The following TSPAN5 variants were observed in gnomAD, a reference collection of about 807,000 sequenced individuals.
TSPAN5 encodes the protein tetraspanin-5.
Under a neutral mutation model 37.1 loss-of-function variants are expected in TSPAN5, and 10 were observed. The observed-to-expected ratio is 0.27, with a 90% CI of 0.17 to 0.46. The LOEUF (loss-of-function observed/expected upper bound fraction) is 0.46. Ranked by LOEUF, TSPAN5 falls within the 20% of genes least tolerant of loss-of-function variation. The pLI is 1.00. For missense variants in TSPAN5, 195 were observed against 326.6 expected, an observed-to-expected ratio of 0.60 and a Z score of 3.11; for synonymous variants, 110 against 118.9, an observed-to-expected ratio of 0.93 and a Z score of 0.48.
At chr4:98,495,469 C>T (rs6837595) in intron 2 of TSPAN5, among the ~76,000 whole-genome samples, 65,412 of 150,000 alleles carry the variant, frequency 0.44, 14,442 homozygotes, top group Admixed American at 0.51. Context: ...ACCTTGCCCA[C>T]GCCAGTGAGC....
chr4:98,522,298 A>G (rs1753873592), intron 1 of TSPAN5, among the ~76,000 whole-genome samples: 1 of 152,254 alleles, frequency 6.6e-6, no homozygotes, highest in Non-Finnish European at 1.5e-5. Flanking sequence ...AAGTCATCCA[A>G]GAAGTCATCT....
intron 2 of TSPAN5, among the ~76,000 whole-genome samples, chr4:98,492,642 G>A (rs77158864): frequency 0.011 from 1,725 of 152,310 alleles, 31 homozygotes; most frequent in African/African-American, 0.039. Flanking sequence ...GCAAAGGGAT[G>A]TGCCAGGTTT....
chr4:98,551,486 T>C (rs1367801571), intron 1 of TSPAN5, among the ~76,000 whole-genome samples: 15 of 112,058 alleles, frequency 1.3e-4, no homozygotes, highest in African/African-American at 5.2e-4. Context: ...TTTTCCTTTT[T>C]CTTTTCTTTT....
intron 1 of TSPAN5, among the ~76,000 whole-genome samples, chr4:98,612,043 T>C (rs1756208327): frequency 6.6e-6 from 1 of 152,234 alleles, no homozygotes; most frequent in African/African-American, 2.4e-5. Context: ...TTAGAACTAA[T>C]GTTTCCTAGG....
chr4:98,536,204 A>T (rs1335055863), intron 1 of TSPAN5, among the ~76,000 whole-genome samples: 1 of 152,004 alleles, frequency 6.6e-6, no homozygotes, highest in Non-Finnish European at 1.5e-5. Flanking sequence ...TGACCTTCAG[A>T]TGGGGTCTTT....
chr4:98,486,549 T>G (rs1015182527), intron 3 of TSPAN5, 189 bp downstream of exon 3: 16 of 597,588 alleles, frequency 2.7e-5, no homozygotes, highest in East Asian at 8.6e-5. Context: ...GGGGGTGGTG[T>G]TGTACTTATT....
chr4:98,569,073 G>A (rs959019255), intron 1 of TSPAN5, among the ~76,000 whole-genome samples: 4 of 152,192 alleles, frequency 2.6e-5, no homozygotes, highest in Non-Finnish European at 5.9e-5. Flanking sequence ...ACTGTGAAAT[G>A]GATGCCTCGG....
At chr4:98,575,328 G>C (rs996593067) in intron 1 of TSPAN5, among the ~76,000 whole-genome samples, 1 of 150,796 alleles carries the variant, frequency 6.6e-6, no homozygotes, top group Non-Finnish European at 1.5e-5. Flanking sequence ...AAAAGTATTT[G>C]AGCACATAGT....
intron 1 of TSPAN5, among the ~76,000 whole-genome samples, chr4:98,549,377 A>G (rs184677525): frequency 1.3e-5 from 2 of 151,202 alleles, no homozygotes; most frequent in Non-Finnish European, 2.9e-5. Context: ...ATTTCGGCTC[A>G]CTGCAACCTC....
At chr4:98,515,461 G>A (rs1753707193) in intron 1 of TSPAN5, among the ~76,000 whole-genome samples, 1 of 151,802 alleles carries the variant, frequency 6.6e-6, no homozygotes, top group African/African-American at 2.4e-5. Context: ...GCAGCTTCAC[G>A]TCCTGCCTCC....
chr4:98,543,738 T>G (rs773121857), intron 1 of TSPAN5, among the ~76,000 whole-genome samples: 2 of 152,024 alleles, frequency 1.3e-5, no homozygotes, highest in Non-Finnish European at 2.9e-5. Context: ...AATTTTTAAA[T>G]GTCTTTAGGG....
intron 1 of TSPAN5, among the ~76,000 whole-genome samples, chr4:98,515,512 GCTCT>G (rs59536964): frequency 9.5e-5 from 14 of 146,726 alleles, no homozygotes; most frequent in Admixed American, 1.4e-4. Flanking sequence ...GTGATCAGAG[GCTCT>G]CTCTCTCTCT....
At chr4:98,638,418 A>G (rs1374791794) in intron 1 of TSPAN5, among the ~76,000 whole-genome samples, 1 of 152,142 alleles carries the variant, frequency 6.6e-6, no homozygotes, top group Non-Finnish European at 1.5e-5. Context: ...CCTTTGAACC[A>G]TACTTTGTGG....
At chr4:98,559,960 T>C (rs1193391578) in intron 1 of TSPAN5, among the ~76,000 whole-genome samples, 1 of 152,224 alleles carries the variant, frequency 6.6e-6, no homozygotes, top group Non-Finnish European at 1.5e-5. Flanking sequence ...TCCACCAACA[T>C]ATAACCAATC....
chr4:98,579,376 G>A (rs542609006), intron 1 of TSPAN5, among the ~76,000 whole-genome samples: 179 of 152,256 alleles, frequency 1.2e-3, no homozygotes, highest in Non-Finnish European at 2.1e-3. Context: ...TACATTTCTG[G>A]AGCCCTGTAC....
chr4:98,487,238 GAAAAAAA>G (rs11318498), intron 2 of TSPAN5, among the ~76,000 whole-genome samples: 1 of 130,406 alleles, frequency 7.7e-6, no homozygotes, highest in Non-Finnish European at 1.6e-5. Flanking sequence ...TATATGTAGA[GAAAAAAA>G]AAAAAAAAAG....
intron 1 of TSPAN5, among the ~76,000 whole-genome samples, chr4:98,654,207 C>T (rs1236309397): frequency 6.6e-6 from 1 of 152,234 alleles, no homozygotes; most frequent in Non-Finnish European, 1.5e-5. Context: ...GAGAACTGTC[C>T]AGATGAGCCT....
intron 1 of TSPAN5, among the ~76,000 whole-genome samples, chr4:98,524,214 C>G (rs2110120805): frequency 6.6e-6 from 1 of 152,280 alleles, no homozygotes; most frequent in East Asian, 1.9e-4. Flanking sequence ...GACCTAAAAT[C>G]CTTTTTTCCT....
At chr4:98,609,613 T>C (rs1404836791) in intron 1 of TSPAN5, among the ~76,000 whole-genome samples, 1 of 152,176 alleles carries the variant, frequency 6.6e-6, no homozygotes, top group African/African-American at 2.4e-5. Flanking sequence ...CGTGTCCAGG[T>C]GCAGGTCTAC....
Sources: gnomAD v4.1 joint callset for allele counts (sites outside exome capture counted in the v4.1 genomes callset) on GRCh38, gnomAD v4.1.1 for gene constraint, MANE v1.5 for transcripts, NCBI Gene and HGNC (gene_info 2026-07-23, HGNC 2026-07-21) for gene names.